SDK1: variants seen among roughly 807,000 people sequenced by gnomAD.
SDK1 encodes protein sidekick-1.
Under a neutral mutation model 245.5 loss-of-function variants are expected in SDK1, and 157 were observed. The ratio of observed to expected loss-of-function variants is 0.64; its 90% CI spans 0.56 to 0.73. The LOEUF (loss-of-function observed/expected upper bound fraction) is 0.73. SDK1 is among the 30% of genes least tolerant of loss of function. The pLI, the probability that SDK1 is intolerant of heterozygous loss-of-function variation, is 0.00. For missense variants in SDK1, 3,583 were observed against 3,002.3 expected, an observed-to-expected ratio of 1.19 and a Z score of -4.52; for synonymous variants, 1,647 against 1,278.5, an observed-to-expected ratio of 1.29 and a Z score of -6.15.
intron 4 of SDK1, among the ~76,000 whole-genome samples, chr7:3,743,875 T>A (rs1479421092): frequency 6.6e-6 from 1 of 152,190 alleles, no homozygotes; most frequent in East Asian, 1.9e-4. Context: ...CCCCCATGAA[T>A]GGATCATAAA....
intron 1 of SDK1, among the ~76,000 whole-genome samples, chr7:3,356,503 A>T (rs1583734543): frequency 2.0e-5 from 3 of 151,282 alleles, no homozygotes; most frequent in African/African-American, 7.3e-5. Context: ...ATGATCTAAG[A>T]CCTCCTCCTT....
At chr7:3,771,776 C>A (rs1486646857) in intron 4 of SDK1, among the ~76,000 whole-genome samples, 5 of 152,078 alleles carry the variant, frequency 3.3e-5, no homozygotes, top group African/African-American at 9.7e-5. Flanking sequence ...AATTTACTGT[C>A]TTAACCATAT....
At chr7:3,872,907 C>T (rs1780991913) in intron 5 of SDK1, among the ~76,000 whole-genome samples, 1 of 152,092 alleles carries the variant, frequency 6.6e-6, no homozygotes, top group African/African-American at 2.4e-5. Flanking sequence ...TATTGTCATA[C>T]ATTTTACTTT....
chr7:3,418,347 A>G (rs1217113697), intron 1 of SDK1, among the ~76,000 whole-genome samples: 6 of 152,130 alleles, frequency 3.9e-5, no homozygotes, highest in Admixed American at 6.5e-5. Flanking sequence ...GCATTATACT[A>G]TGACTCTTTT....
chr7:3,726,614 A>G (rs1182121576), intron 4 of SDK1, among the ~76,000 whole-genome samples: 1 of 152,238 alleles, frequency 6.6e-6, no homozygotes, highest in East Asian at 1.9e-4. Flanking sequence ...CCAAGGTTAT[A>G]AGTTATGTTA....
At chr7:4,002,588 C>T (rs1000481276) in intron 14 of SDK1, among the ~76,000 whole-genome samples, 1 of 152,186 alleles carries the variant, frequency 6.6e-6, no homozygotes, top group Non-Finnish European at 1.5e-5. Flanking sequence ...TCAGTTCCTT[C>T]CCATACTCTT....
Position 4,130,055 on chromosome 7 carries a change from G to T in SDK1, c.4087G>T (p.Val1363Phe). 1 of 1,612,252 alleles carries T rather than the reference G, an allele frequency of 6.2e-7. No individual in the cohort carries two copies. Among genetic ancestry groups the T allele is most frequent in the Non-Finnish European group, 8.5e-7 (1 of 1,179,090 alleles). The part of the protein sequence containing the change: ...VLAFTRIGNG[V>F]PSTPLILERT... ...GGCGTTCACCCGCATCGGGAACGGGGTCCCCAGCACGCCCCTCATCCTGGA... is the reference window on the plus strand; with the variant it reads ...GGCGTTCACCCGCATCGGGAACGGGTTCCCCAGCACGCCCCTCATCCTGGA... Residue 1363 changes from valine (V) to phenylalanine (F), a missense_variant, in exon 27 of 45, where the codon GTC (valine) becomes TTC (phenylalanine). Val to Phe is a conservative substitution (Grantham distance 50). Transcript: ENST00000404826.
intron 17 of SDK1, among the ~76,000 whole-genome samples, chr7:4,018,551 C>CT (rs1786605985): frequency 6.6e-6 from 1 of 152,212 alleles, no homozygotes; most frequent in African/African-American, 2.4e-5. Context: ...TTAACATTTG[C>CT]TTTAACTGGT....
intron 8 of SDK1, among the ~76,000 whole-genome samples, chr7:3,961,481 A>T (rs769564258): frequency 3.9e-5 from 6 of 152,206 alleles, no homozygotes; most frequent in Non-Finnish European, 8.8e-5. Flanking sequence ...ATGTCAAGAT[A>T]TGTTTTTTAT....
intron 5 of SDK1, among the ~76,000 whole-genome samples, chr7:3,909,438 C>A (rs551521926): frequency 7.2e-5 from 11 of 152,316 alleles, no homozygotes; most frequent in African/African-American, 2.6e-4. Context: ...GGGACCTCCT[C>A]CGTCCTCCAG....
At chr7:3,839,782 A>G (rs764650415) in intron 5 of SDK1, among the ~76,000 whole-genome samples, 7 of 152,220 alleles carry the variant, frequency 4.6e-5, no homozygotes, top group Admixed American at 2.0e-4. Flanking sequence ...TTAATTGTGA[A>G]TAGCAATTAT....
At chr7:3,913,111 C>G (rs1189036828) in intron 5 of SDK1, among the ~76,000 whole-genome samples, 2 of 152,112 alleles carry the variant, frequency 1.3e-5, no homozygotes, top group Non-Finnish European at 2.9e-5. Context: ...AAGGAAGCAT[C>G]TGGGAGGTGG....
chr7:4,233,171 C>T lies in SDK1; in HGVS notation c.5828-84C>T, dbSNP rs562192095. 1,283 of 1,380,608 alleles carry T rather than the reference C, an allele frequency of 9.3e-4. 1 individual carries two copies. The highest frequency in any genetic ancestry group is 1.1e-3 in the Non-Finnish European group (1,119 of 997,716). 85.5% of individuals were successfully genotyped at this position (1,380,608 alleles called of 1,614,324 possible). On this transcript the variant is annotated intron_variant, in intron 40 of 44. Transcript: ENST00000404826. ...TGCCTCATCCAGGGCTGCTGCAAGC[C>T]GACCCACCAGGCAGGTGCATGGGGC...
At position 4,119,230 on chromosome 7, in the gene SDK1, A is replaced by G. The variant is rs1584196685; in HGVS notation, c.3823+4956A>G. 1.3e-5 allele frequency among the ~76,000 whole-genome samples: 2 copies of G among 148,274 alleles called. 1 individual carries two copies. Among genetic ancestry groups the G allele is most frequent in the Non-Finnish European group, 3.0e-5 (2 of 66,486 alleles). ...TTTGAGAGGCAGAGGCAGGAGGATTACCAGGAGCTTAAGACCAGCCTGGGC... is the reference window on the plus strand; with the variant it reads ...TTTGAGAGGCAGAGGCAGGAGGATTGCCAGGAGCTTAAGACCAGCCTGGGC... On this transcript the variant is annotated intron_variant, in intron 25 of 44. Transcript: ENST00000404826.
chr7:3,857,584 G>T (rs1480029448), intron 5 of SDK1, among the ~76,000 whole-genome samples: 1 of 152,120 alleles, frequency 6.6e-6, no homozygotes, highest in East Asian at 1.9e-4. Flanking sequence ...CTTCTTGAGA[G>T]GTTGAGGTGG....
chr7:3,643,492 C>G (rs1393912421), intron 4 of SDK1: 1 of 150,874 alleles, frequency 6.6e-6, no homozygotes, highest in East Asian at 2.0e-4. Flanking sequence ...CCCACTCCCA[C>G]CTGAGCAACT....
chr7:4,067,982 C>A, intron 20 of SDK1, 46 bp downstream of exon 20: 1 of 1,425,358 alleles, frequency 7.0e-7, no homozygotes, highest in Non-Finnish European at 9.7e-7. Flanking sequence ...AGTTTGTCCT[C>A]ACAAAAAGAA....
chr7:3,520,411 G>T (rs557018308), intron 1 of SDK1, among the ~76,000 whole-genome samples: 6 of 152,280 alleles, frequency 3.9e-5, no homozygotes, highest in African/African-American at 1.4e-4. Flanking sequence ...AATGATAACA[G>T]GCTGTGTGTA....
chr7:3,386,861 T>G (rs1279309593), intron 1 of SDK1, among the ~76,000 whole-genome samples: 2 of 152,164 alleles, frequency 1.3e-5, no homozygotes, highest in African/African-American at 2.4e-5. Flanking sequence ...AGACAACATA[T>G]GTCATAACTA....
Sources: gnomAD v4.1 joint callset for allele counts (sites outside exome capture counted in the v4.1 genomes callset) on GRCh38, gnomAD v4.1.1 for gene constraint, MANE v1.5 for transcripts, NCBI Gene and HGNC (gene_info 2026-07-23, HGNC 2026-07-21) for gene names.